SHANK1: variants seen among roughly 807,000 people sequenced by gnomAD.
The protein encoded by SHANK1 is SH3 and multiple ankyrin repeat domains 1, also known as SH3 and multiple ankyrin repeat domains protein 1.
A neutral mutation model predicts 165.6 loss-of-function variants in SHANK1; 35 were observed. The observed-to-expected ratio is 0.21, with a 90% CI of 0.16 to 0.28. SHANK1 has a LOEUF of 0.28. SHANK1 is among the 10% of genes least tolerant of loss of function. SHANK1 has a pLI of 1.00. For missense variants in SHANK1, 2,681 were observed against 3,036.4 expected (o/e 0.88, Z 2.75); for synonymous variants, 1,428 against 1,384.8 (o/e 1.03, Z -0.69).
Position 50,701,193 on chromosome 19 carries a change from C to CT in SHANK1, c.1747+1273dup, listed in dbSNP as rs34951143. Among the ~76,000 whole-genome samples, 509 of 101,084 alleles carry CT rather than the reference C, an allele frequency of 5.0e-3. 5 individuals are homozygous for CT. Among genetic ancestry groups the CT allele is most frequent in the Admixed American group, 0.01 (97 of 9,384 alleles). 66.3% of individuals were successfully genotyped at this position (101,084 alleles called of 152,430 possible). On this transcript the variant is annotated intron_variant, in intron 12 of 23. Transcript: ENST00000293441. ...TAGGGGCCACTTAGGAAAATGATGG[C>CT]TTTTTTTTTTTTTTTTTTTGAGATG...
Position 50,716,395 on chromosome 19 carries a change from A to G in SHANK1, c.339T>C (p.Asp113=). ...GTTGGAACAGGCCATAGTTGAGCACATCCTGCAGGCTCTCGCTCAGGGCAC... is the reference window on the plus strand; with the variant it reads ...GTTGGAACAGGCCATAGTTGAGCACGTCCTGCAGGCTCTCGCTCAGGGCAC... The part of the protein sequence containing the change: ...VLCALSESLQ[D]VLNYGLFQPA... The change falls in exon 3 of 24, where the codon GAT becomes GAC. Residue 113 remains aspartate, a synonymous_variant. Transcript: ENST00000293441. The surrounding 1 kb of genome is among the most constrained non-coding windows in gnomAD (Gnocchi z 8.4). 6.2e-7 allele frequency: 1 copy of G among 1,614,216 alleles called. No homozygotes were observed. The highest frequency in any genetic ancestry group is 1.3e-5 in the African/African-American group (1 of 75,056).
chr19:50,709,301 GCTAA>G (rs1349232345), intron 8 of SHANK1, among the ~76,000 whole-genome samples: 5 of 152,076 alleles, frequency 3.3e-5, no homozygotes, highest in African/African-American at 1.2e-4. Context: ...ACCACGCCTG[GCTAA>G]CTTTTTTTTG....
In SHANK1 at chr19:50,711,950, G is replaced by C; in HGVS notation, c.957C>G (p.His319Gln). 6.2e-7 allele frequency: 1 copy of C among 1,614,018 alleles called. No individual in the cohort carries two copies. The highest frequency in any genetic ancestry group is 8.5e-7 in the Non-Finnish European group (1 of 1,180,006). Residue 319 changes from histidine (H) to glutamine (Q), a missense_variant, in exon 7 of 24, where the codon CAC becomes CAG. His to Gln is a conservative substitution (Grantham distance 24, BLOSUM62 0). This residue lies in a region of SHANK1 where 189 missense variants were observed against 440.9 expected (regional missense o/e 0.43). Coordinates refer to ENST00000293441, the MANE Select transcript of SHANK1 (RefSeq NM_016148.5). ...TCATGGCCTGAATCAGGAGCACCTG[G>C]TGGATTTCCTGCCAGCCGTTCTCAT... ...IADENGWQEIHQACQRGHSQH... is the reference protein window; with the variant it reads ...IADENGWQEIQQACQRGHSQH...
chr19:50,661,426 C>T lies in SHANK1; in HGVS notation c.*539G>A, dbSNP rs187247757. On this transcript the variant is annotated 3_prime_UTR_variant, in exon 24 of 24. Coordinates refer to ENST00000293441, the MANE Select transcript of SHANK1 (RefSeq NM_016148.5). ...TTTGTGCAAAATTGCAGCCCGGGGA[C>T]GGGAGGGGAGAGAGGTGAGCAGGCG... Among the ~76,000 whole-genome samples, 11 of 136,876 alleles carry T rather than the reference C, an allele frequency of 8.0e-5. No homozygotes were observed. The highest frequency in any genetic ancestry group is 1.1e-4 in the Non-Finnish European group (7 of 64,174). The allele number at this position is 136,876 out of a possible 152,430, so 89.8% of individuals were successfully genotyped here. A position where few individuals can be genotyped will look rare whatever the true frequency, so the allele number is the denominator to read the frequency against.
chr19:50,693,470 C>T (rs1229207891), intron 15 of SHANK1, among the ~76,000 whole-genome samples: 2 of 151,886 alleles, frequency 1.3e-5, no homozygotes, highest in African/African-American at 2.4e-5. Context: ...AATGCTTTTC[C>T]CCAGGCCATC....
At position 50,662,921 on chromosome 19, in the gene SHANK1, G is replaced by C. The variant is rs1985327212; in HGVS notation, c.5769-239C>G. Among the ~76,000 whole-genome samples the C allele has an allele frequency of 6.6e-6, 1 of 151,868 alleles. No individual in the cohort carries two copies. Among genetic ancestry groups the C allele is most frequent in the South Asian group, 2.1e-4 (1 of 4,824 alleles). On this transcript the variant is annotated intron_variant, in intron 23 of 23. Transcript: ENST00000293441. The surrounding 1 kb of genome is among the most constrained non-coding windows in gnomAD (Gnocchi z 7.7). ...CAGGGAGAGGGCGACAGTTAAGAGA[G>C]ATGAAAGAAAAAGAGACATTAAGTG...
chr19:50,666,206 G>A lies in SHANK1; in HGVS notation c.5754C>T (p.Ser1918=), dbSNP rs1163203149. ...GASYVPERTS[S]LQRQRLSDDS... The stretch of plus-strand genomic sequence containing the variant: ...CCCCCGCTTACCTCTGCCGCTGCAG[G>A]GAGGAGGTCCTCTCGGGGACATAGC... The change falls in exon 23 of 24, where the codon TCC becomes TCT. Residue 1918 remains serine (S), a synonymous_variant. Coordinates refer to ENST00000293441, the MANE Select transcript of SHANK1 (RefSeq NM_016148.5). 6.2e-7 allele frequency: 1 copy of A among 1,600,078 alleles called. No individual in the cohort carries two copies. Among genetic ancestry groups the A allele is most frequent in the Non-Finnish European group, 8.5e-7 (1 of 1,173,968 alleles).
rs950161392 is a variant in SHANK1, at chr19:50,702,711, C to T, written c.1554-51G>A. 15 of 1,272,248 alleles carry T rather than the reference C, an allele frequency of 1.2e-5. No individual in the cohort carries two copies. The highest frequency in any genetic ancestry group is 2.6e-4 in the Middle Eastern group (1 of 3,780). 78.8% of individuals were successfully genotyped at this position (1,272,248 alleles called of 1,614,324 possible). A position where few individuals can be genotyped will look rare whatever the true frequency, so the allele number is the denominator to read the frequency against. ...AGGGGAGGGTGGAGGGAGGGGACAC[C>T]TCTGGGAGGACAGGGGTCCTTGGGT... On this transcript the variant is annotated intron_variant, in intron 11 of 23. Coordinates refer to ENST00000293441, the MANE Select transcript of SHANK1 (RefSeq NM_016148.5). The surrounding 1 kb of genome is among the most constrained non-coding windows in gnomAD (Gnocchi z 5.3).
In SHANK1 at chr19:50,666,966, G is replaced by A. The variant is rs1294247033; in HGVS notation, c.4994C>T (p.Pro1665Leu). 1.9e-6 allele frequency: 3 copies of A among 1,588,872 alleles called. No homozygotes were observed. Among genetic ancestry groups the A allele is most frequent in the African/African-American group, 1.3e-5 (1 of 74,734 alleles). Residue 1665 changes from proline (P) to leucine (L), a missense_variant, in exon 23 of 24, where the codon CCG (proline) becomes CTG (leucine). Physicochemically the swap from Pro to Leu is moderately conservative, Grantham distance 98. This residue lies in a region of SHANK1 where 1,713 missense variants were observed against 1,630.2 expected (regional missense o/e 1.05). Transcript: ENST00000293441. ...AGAATCCGTGCCAGGCGGAGGGTCC[G>A]GGCCAGGCTGTGGGGCAGCGGGAGC... The part of the protein sequence containing the change: ...APAPAAPQPG[P>L]DPPPGTDSGI...
intron 15 of SHANK1, among the ~76,000 whole-genome samples, chr19:50,696,510 T>C (rs1381687565): frequency 2.0e-5 from 3 of 151,546 alleles, no homozygotes; most frequent in Non-Finnish European, 4.4e-5. Context: ...GACTCTTCCC[T>C]GGATTGGGGG....
chr19:50,663,096 C>T, intron 23 of SHANK1: 1 of 212,464 alleles, frequency 4.7e-6, no homozygotes, highest in Admixed American at 5.3e-5. Context: ...AAATAACTTG[C>T]CTAAGGACAC....
Position 50,704,298 on chromosome 19 carries a change from C to T in SHANK1, c.1156-112G>A, listed in dbSNP as rs559471082. ...CCCAAACCTTCCACTCCGACAATGC[C>T]GCCCTCTGTCTTCTTCCAGCTCCCC... On this transcript the variant is annotated intron_variant, in intron 9 of 23. Coordinates refer to ENST00000293441, the MANE Select transcript of SHANK1 (RefSeq NM_016148.5). 1.2e-4 allele frequency: 156 copies of T among 1,318,016 alleles called. No homozygotes were observed. The Middle Eastern group carries it at 1.2e-3, about 10-fold the overall frequency. The allele number at this position is 1,318,016 out of a possible 1,614,324, so 81.6% of individuals were successfully genotyped here.
At position 50,666,696 on chromosome 19, in the gene SHANK1, G is replaced by A; in HGVS notation, c.5264C>T (p.Ser1755Phe). The A allele has an allele frequency of 1.3e-6, 2 of 1,584,724 alleles. No individual in the cohort carries two copies. The highest frequency in any genetic ancestry group is 1.7e-6 in the Non-Finnish European group (2 of 1,167,754). The change falls in exon 23 of 24, where the codon TCT (serine) becomes TTT (phenylalanine). Residue 1755 changes from serine (S) to phenylalanine (F), a missense_variant. Ser to Phe is a radical substitution (Grantham distance 155). Coordinates refer to ENST00000293441, the MANE Select transcript of SHANK1 (RefSeq NM_016148.5). ...TCCTAGCGCCCGGCCCCGGAGCTTA[G>A]AGGGAGTCATGAGCTGAGGAGGGTA... ...PPYPPQLMTP[S>F]KLRGRALGAS...
rs967538095 is a variant in SHANK1, at chr19:50,702,968, C to T, written c.1554-308G>A. On this transcript the variant is annotated intron_variant, in intron 11 of 23. Coordinates refer to ENST00000293441, the MANE Select transcript of SHANK1 (RefSeq NM_016148.5). This position sits in a 1 kb window ranked among gnomAD's most constrained non-coding sequence, Gnocchi z 5.3. The stretch of plus-strand genomic sequence containing the variant: ...GTCATCCCTCCGCTCACGAGCCTTC[C>T]GCGACTCCCAGCTTCCTCCTGGGTC... Among the ~76,000 whole-genome samples the T allele has an allele frequency of 2.0e-5, 3 of 152,162 alleles. No individual in the cohort carries two copies. The highest frequency in any genetic ancestry group is 6.5e-5 in the Admixed American group (1 of 15,280).
chr19:50,677,273 T>G (rs4802730), intron 21 of SHANK1, among the ~76,000 whole-genome samples: 88,853 of 151,564 alleles, frequency 0.59, 27,106 homozygotes, highest in African/African-American at 0.75. Context: ...GACTATAGGT[T>G]CCCACCACCA....
chr19:50,707,025 G>A (rs2088946907), intron 8 of SHANK1, among the ~76,000 whole-genome samples: 3 of 152,182 alleles, frequency 2.0e-5, no homozygotes, highest in African/African-American at 7.2e-5. Flanking sequence ...TGATCCGCCT[G>A]CCTTGGCTTC....
chr19:50,709,997 T>C (rs2088989314), intron 8 of SHANK1, among the ~76,000 whole-genome samples: 2 of 152,204 alleles, frequency 1.3e-5, no homozygotes, highest in East Asian at 1.9e-4. Flanking sequence ...GTATACACGA[T>C]GGCTCACCCT....
chr19:50,688,831 G>C lies in SHANK1; in HGVS notation c.2172+13C>G. On this transcript the variant is annotated intron_variant, in intron 17 of 23. Transcript: ENST00000293441. This position sits in a 1 kb window ranked among gnomAD's most constrained non-coding sequence, Gnocchi z 6.7. ...TCACAGGGTCCCAGGGAAGAGAGGG[G>C]GCCTGGACTGACCTCGATGAGGAAG... The C allele has an allele frequency of 6.2e-7, 1 of 1,607,494 alleles. No individual in the cohort carries two copies. The highest frequency in any genetic ancestry group is 8.5e-7 in the Non-Finnish European group (1 of 1,176,932).
At chr19:50,681,195 G>C (rs1240081727) in intron 21 of SHANK1, among the ~76,000 whole-genome samples, 2 of 152,052 alleles carry the variant, frequency 1.3e-5, no homozygotes, top group Admixed American at 6.6e-5. Flanking sequence ...TATTGACTCA[G>C]AGAGCGGGAA....
Sources: gnomAD v4.1 joint callset for allele counts (sites outside exome capture counted in the v4.1 genomes callset) on GRCh38, gnomAD v4.1.1 for gene constraint, gnomAD v4.1.1 regional missense constraint, Gnocchi (gnomAD v3.1) non-coding constraint, MANE v1.5 for transcripts, NCBI Gene and HGNC (gene_info 2026-07-23, HGNC 2026-07-21) for gene names.